EDEM2: variants seen among roughly 807,000 people sequenced by gnomAD.
EDEM2 encodes the protein ER degradation-enhancing alpha-mannosidase-like protein 2.
EDEM2 carries 39 observed loss-of-function variants against 64.8 expected under a neutral mutation model. The ratio of observed to expected loss-of-function variants is 0.60; its 90% CI spans 0.47 to 0.79. The LOEUF is 0.79. Ranked by LOEUF, EDEM2 falls within the 30% of genes least tolerant of loss-of-function variation. The pLI, the probability that EDEM2 is intolerant of heterozygous loss-of-function variation, is 0.00. For missense variants in EDEM2, 609 were observed against 731.3 expected, an observed-to-expected ratio of 0.83 and a Z score of 1.93; for synonymous variants, 296 against 291.5, an observed-to-expected ratio of 1.02 and a Z score of -0.16.
intron 5 of EDEM2, among the ~76,000 whole-genome samples, chr20:35,137,291 C>T (rs1008572139): frequency 3.3e-5 from 5 of 152,046 alleles, no homozygotes; most frequent in South Asian, 2.1e-4. Flanking sequence ...TGGTGGCAGG[C>T]GCCTGTAATC....
At chr20:35,143,971 C>T (rs764282127) in intron 3 of EDEM2, among the ~76,000 whole-genome samples, 4 of 152,038 alleles carry the variant, frequency 2.6e-5, no homozygotes, top group Non-Finnish European at 5.9e-5. Context: ...TGCAGTGGTG[C>T]GATCTCGGCT....
intron 9 of EDEM2, among the ~76,000 whole-genome samples, chr20:35,123,166 A>T (rs979116995): frequency 2.0e-5 from 3 of 152,176 alleles, no homozygotes; most frequent in African/African-American, 7.2e-5. Context: ...AAGTTCTAAC[A>T]TTCCATACAC....
chr20:35,147,187 ACCTGGCGCACCATGGT>A lies in EDEM2; in HGVS notation c.56_71del (p.His19LeufsTer53). On this transcript the variant is annotated frameshift_variant, in exon 1 of 11. Coordinates refer to ENST00000374492, the MANE Select transcript of EDEM2 (RefSeq NM_018217.3). LOFTEE classifies it high-confidence loss of function. ...CGGGATCTGGCGCGGAGCCGTCGGG[ACCTGGCGCACCATGGT>A]GCTGAGGCAGCAGCGCGCACAGGAG... 2 of 1,602,824 alleles carry A rather than the reference ACCTGGCGCACCATGGT, an allele frequency of 1.2e-6. No homozygotes were observed. The highest frequency in any genetic ancestry group is 1.7e-6 in the Non-Finnish European group (2 of 1,173,504).
At chr20:35,140,641 A>G (rs1373681440) in intron 4 of EDEM2, among the ~76,000 whole-genome samples, 1 of 152,222 alleles carries the variant, frequency 6.6e-6, no homozygotes, top group Non-Finnish European at 1.5e-5. Context: ...TGCATTATTC[A>G]GGAGGAGAAC....
intron 3 of EDEM2, among the ~76,000 whole-genome samples, chr20:35,142,821 A>G (rs2085676106): frequency 1.3e-5 from 2 of 152,272 alleles, no homozygotes; most frequent in African/African-American, 4.8e-5. Flanking sequence ...GGTAGAGTGC[A>G]GTGGCGTGAT....
chr20:35,132,977 T>C (rs1023019599), intron 6 of EDEM2, among the ~76,000 whole-genome samples: 14 of 152,134 alleles, frequency 9.2e-5, no homozygotes, highest in Admixed American at 5.9e-4. Flanking sequence ...AAGTAGTTGA[T>C]TTGGAAGGTA....
intron 3 of EDEM2, 71 bp from the exon 4 acceptor site, chr20:35,142,549 T>C (rs763795566): frequency 3.5e-6 from 4 of 1,151,952 alleles, no homozygotes; most frequent in Non-Finnish European, 5.1e-6. Flanking sequence ...TCTGGGATCC[T>C]ATGTTGATGT....
intron 6 of EDEM2, 144 bp downstream of exon 6, chr20:35,134,594 G>C (rs1569180240): frequency 7.1e-6 from 6 of 842,210 alleles, no homozygotes; most frequent in Non-Finnish European, 1.1e-5. Flanking sequence ...TTGGAGGCTT[G>C]GTCTATTTTT....
chr20:35,116,085 C>A, intron 10 of EDEM2, 152 bp from the exon 11 acceptor site: 1 of 801,746 alleles, frequency 1.2e-6, no homozygotes, highest in Non-Finnish European at 1.9e-6. Flanking sequence ...CTTTCCCAAG[C>A]CACCATCATC....
At chr20:35,133,290 G>A (rs192058095) in intron 6 of EDEM2, among the ~76,000 whole-genome samples, 183 of 152,154 alleles carry the variant, frequency 1.2e-3, no homozygotes, top group Non-Finnish European at 2.3e-3. Context: ...CACCAGAGGA[G>A]ACCCACAGGC....
At chr20:35,144,077 T>C (rs1006809600) in intron 3 of EDEM2, among the ~76,000 whole-genome samples, 1 of 151,694 alleles carries the variant, frequency 6.6e-6, no homozygotes, top group Non-Finnish European at 1.5e-5. Context: ...ATGCCTAATT[T>C]TTTATATTTT....
rs191876739 is a variant in EDEM2 at position 35,143,818 on chromosome 20, G to A, written c.258+1161C>T. ...CACAGCCTCGAACTCTGGGACTTGA[G>A]CAATGTTGGCCTCCCAAAGTGCTGG... is the stretch of plus-strand genomic sequence containing the variant. On this transcript the variant is annotated intron_variant, in intron 3 of 10. Coordinates refer to ENST00000374492, the MANE Select transcript of EDEM2 (RefSeq NM_018217.3). Among the ~76,000 whole-genome samples the A allele has an allele frequency of 8.5e-5, 13 of 152,168 alleles. No homozygotes were observed. The East Asian group carries it at 2.3e-3, about 27-fold the overall frequency.
intron 6 of EDEM2, among the ~76,000 whole-genome samples, chr20:35,134,353 A>G (rs1023599230): frequency 6.6e-6 from 1 of 152,176 alleles, no homozygotes; most frequent in African/African-American, 2.4e-5. Context: ...ACTGCCACTC[A>G]GTATCTCTCA....
chr20:35,126,147 A>G, intron 8 of EDEM2, 104 bp downstream of exon 8: 2 of 1,457,112 alleles, frequency 1.4e-6, no homozygotes, highest in Non-Finnish European at 1.8e-6. Context: ...CTCCAAAAAA[A>G]GTACTCAAGC....
At chr20:35,140,665 A>G (rs2085641047) in intron 4 of EDEM2, among the ~76,000 whole-genome samples, 1 of 152,222 alleles carries the variant, frequency 6.6e-6, no homozygotes, top group Admixed American at 6.5e-5. Context: ...GATTTTCATT[A>G]AATTTAGACT....
At chr20:35,138,603 G>A (rs369596250) in intron 4 of EDEM2, among the ~76,000 whole-genome samples, 3 of 146,174 alleles carry the variant, frequency 2.1e-5, no homozygotes, top group Non-Finnish European at 3.0e-5. Flanking sequence ...TTTTTGAGAC[G>A]GAGTCTCGCT....
chr20:35,119,582 G>A (rs1456663555), intron 9 of EDEM2, among the ~76,000 whole-genome samples: 1 of 152,134 alleles, frequency 6.6e-6, no homozygotes, highest in African/African-American at 2.4e-5. Context: ...GATGACAAGA[G>A]TGAGACCTTA....
chr20:35,120,600 T>TC (rs1390891411), intron 9 of EDEM2, among the ~76,000 whole-genome samples: 4 of 145,010 alleles, frequency 2.8e-5, no homozygotes, highest in African/African-American at 1.1e-4. Context: ...CTTCTTTTTT[T>TC]TTTTTTTTTT....
chr20:35,115,742 T>C lies in EDEM2; in HGVS notation c.1428A>G (p.Glu476=). The C allele has an allele frequency of 6.2e-7, 1 of 1,614,214 alleles. No individual in the cohort carries two copies. The highest frequency in any genetic ancestry group is 8.5e-7 in the Non-Finnish European group (1 of 1,180,042). ...GGGCGGCAGGGTCGATGGGGTGAGCTTCTGTGTTGAAGATGTACCCCCCAG... is the reference window on the plus strand; with the variant it reads ...GGGCGGCAGGGTCGATGGGGTGAGCCTCTGTGTTGAAGATGTACCCCCCAG... ...LGAGGYIFNT[E]AHPIDPAALH... is the part of the protein sequence containing the mutation. The change falls in exon 11 of 11, where the codon GAA becomes GAG. Residue 476 remains glutamate, a synonymous_variant. Transcript: ENST00000374492.
Sources: gnomAD v4.1 joint callset for allele counts (sites outside exome capture counted in the v4.1 genomes callset) on GRCh38, gnomAD v4.1.1 for gene constraint, MANE v1.5 for transcripts, NCBI Gene and HGNC (gene_info 2026-07-23, HGNC 2026-07-21) for gene names.